The following ZNF782 variants were observed in gnomAD, a reference collection of about 807,000 sequenced individuals.
The protein encoded by ZNF782 is zinc finger protein 782.
ZNF782 carries 12 observed loss-of-function variants against 13.0 expected under a neutral mutation model. The observed-to-expected ratio is 0.92, with a 90% confidence interval of 0.59 to 1.50. The LOEUF is 1.50. Among genes scored for constraint, ZNF782 ranks in the 40% most tolerant of loss-of-function variants. The pLI, the probability that ZNF782 is intolerant of heterozygous loss-of-function variation, is 0.00. For synonymous variants in ZNF782, 284 were observed against 283.0 expected (o/e 1.00, Z -0.04); for missense variants, 770 against 822.9 (o/e 0.94, Z 0.79).
the ZNF782 span, among the ~76,000 whole-genome samples, chr9:96,933,313 A>G: frequency 6.6e-6 from 1 of 151,482 alleles, no homozygotes; most frequent in Non-Finnish European, 1.5e-5. Context: ...ATGTTTACAG[A>G]AGACCCAGGT....
At chr9:96,927,477 C>T in the ZNF782 span, among the ~76,000 whole-genome samples, 1 of 152,032 alleles carries the variant, frequency 6.6e-6, no homozygotes, top group Non-Finnish European at 1.5e-5. Flanking sequence ...AATCAGCCTG[C>T]TATTGTTTTC....
chr9:96,874,624 A>T (rs1216195958), intron 1 of ZNF782, among the ~76,000 whole-genome samples: 1 of 152,098 alleles, frequency 6.6e-6, no homozygotes, highest in Non-Finnish European at 1.5e-5. Context: ...TGGCGGGTGG[A>T]TCAAGCACTG....
upstream of ZNF782, among the ~76,000 whole-genome samples, chr9:96,878,430 G>C (rs1330707944): frequency 6.6e-6 from 1 of 152,216 alleles, no homozygotes; most frequent in East Asian, 1.9e-4. Context: ...TTATAGCAGT[G>C]CATAAAGCTA....
chr9:96,917,589 G>A, the ZNF782 span, among the ~76,000 whole-genome samples: 352 of 151,418 alleles, frequency 2.3e-3, 5 homozygotes, highest in African/African-American at 8.0e-3. Context: ...CCACCACCAC[G>A]CCCAGCTATT....
At position 96,817,612 on chromosome 9, in the gene ZNF782, G is replaced by A. The variant is rs1237231546; in HGVS notation, c.*311C>T. 2.5e-5 allele frequency: 6 copies of A among 240,856 alleles called. No individual in the cohort carries two copies. The highest frequency in any genetic ancestry group is 4.7e-5 in the Non-Finnish European group (6 of 127,274). The allele number at this position is 240,856 out of a possible 1,614,324, so 14.9% of individuals were successfully genotyped here. On this transcript the variant is annotated 3_prime_UTR_variant, in exon 6 of 6. Transcript: ENST00000481138. ...TTCACATTTTTATTACTTTCTCAGA[G>A]CTTTTCTGCAGCGTGAGTTTTCTGA... is the stretch of plus-strand genomic sequence containing the variant.
At chr9:96,836,654 T>C (rs1343710981) in intron 4 of ZNF782, among the ~76,000 whole-genome samples, 1 of 152,056 alleles carries the variant, frequency 6.6e-6, no homozygotes, top group African/African-American at 2.4e-5. Context: ...GGCAGAATGG[T>C]ATGGTTTGGG....
At chr9:96,842,718 A>G (rs1851225947) in intron 4 of ZNF782, among the ~76,000 whole-genome samples, 1 of 152,100 alleles carries the variant, frequency 6.6e-6, no homozygotes, top group African/African-American at 2.4e-5. Flanking sequence ...ATCAAAATTA[A>G]AAACTTATGC....
At chr9:96,831,763 ACT>A (rs957400580) in intron 4 of ZNF782, among the ~76,000 whole-genome samples, 1 of 151,450 alleles carries the variant, frequency 6.6e-6, no homozygotes, top group African/African-American at 2.4e-5. Context: ...ATGTAACATC[ACT>A]CTGTTACCAA....
intron 4 of ZNF782, 80 bp downstream of exon 4, chr9:96,844,810 A>C (rs1367095413): frequency 6.2e-7 from 1 of 1,601,330 alleles, no homozygotes; most frequent in East Asian, 2.2e-5. Context: ...AGGGAGTCAC[A>C]TGGTACGGTA....
Position 96,816,468 on chromosome 9 carries a change from C to G in ZNF782, c.*1455G>C, listed in dbSNP as rs2118197001. 1 of 152,312 alleles carries G rather than the reference C, an allele frequency of 6.6e-6. No individual in the cohort carries two copies. The highest frequency in any genetic ancestry group is 1.9e-4 in the East Asian group (1 of 5,188). The allele number at this position is 152,312 out of a possible 1,614,324, so 9.4% of individuals were successfully genotyped here. On this transcript the variant is annotated 3_prime_UTR_variant, in exon 6 of 6. Transcript: ENST00000481138. Reference sequence around the variant, plus strand: ...ACAAAACATTCACATATTTGCAACACTGCTTTTCAGTTTATGCAGTTTATT... The same window carrying G: ...ACAAAACATTCACATATTTGCAACAGTGCTTTTCAGTTTATGCAGTTTATT...
At chr9:96,917,931 G>GTGT in the ZNF782 span, among the ~76,000 whole-genome samples, 9 of 115,356 alleles carry the variant, frequency 7.8e-5, no homozygotes, top group African/African-American at 3.9e-4. Context: ...TGTGTGTGTA[G>GTGT]ATGGGGGTCT....
At chr9:96,844,292 A>AC (rs1851276875) in intron 4 of ZNF782, among the ~76,000 whole-genome samples, 1 of 152,228 alleles carries the variant, frequency 6.6e-6, no homozygotes, top group Non-Finnish European at 1.5e-5. Context: ...CTTGTATGTG[A>AC]AAGTTCATAG....
rs529521276 is a variant in ZNF782, at chr9:96,818,339, A to C, written c.1684T>G (p.Tyr562Asp). Residue 562 changes from tyrosine to aspartate, a missense_variant, in exon 6 of 6, where the codon TAT (tyrosine) becomes GAT (aspartate). Tyr to Asp is a radical substitution (Grantham distance 160). Coordinates refer to ENST00000481138, the MANE Select transcript of ZNF782 (RefSeq NM_001001662.3). ...GCTTCCCCACAATGATTACATTTAT[A>C]GGGTTTTTCCCCTGTGTGAATTCTA... The part of the protein sequence containing the change: ...HHRIHTGEKP[Y>D]KCNHCGEAFS... 10 of 1,614,158 alleles carry C rather than the reference A, an allele frequency of 6.2e-6. No homozygotes were observed. In the South Asian group the frequency reaches 1.1e-4, roughly 18 times the overall value.
intron 1 of ZNF782, among the ~76,000 whole-genome samples, chr9:96,872,287 C>T (rs1248253965): frequency 6.6e-6 from 1 of 152,120 alleles, no homozygotes; most frequent in Non-Finnish European, 1.5e-5. Flanking sequence ...AATCCTAGCA[C>T]TTTGGGAGGC....
chr9:96,882,197 A>C, the ZNF782 span, among the ~76,000 whole-genome samples: 1 of 152,096 alleles, frequency 6.6e-6, no homozygotes, highest in African/African-American at 2.4e-5. Flanking sequence ...TCTGTGAAAA[A>C]GGGATGTTAA....
At chr9:96,860,887 A>T (rs532440770) in intron 2 of ZNF782, among the ~76,000 whole-genome samples, 1 of 152,380 alleles carries the variant, frequency 6.6e-6, no homozygotes, top group South Asian at 2.1e-4. Context: ...GGATATCCAT[A>T]TGCAGAAGAA....
upstream of ZNF782, among the ~76,000 whole-genome samples, chr9:96,879,836 T>C (rs1851940961): frequency 6.6e-6 from 1 of 152,196 alleles, no homozygotes; most frequent in African/African-American, 2.4e-5. Flanking sequence ...TTGCATTCTG[T>C]GATCTTGCTT....
chr9:96,846,061 C>T (rs942342321), intron 3 of ZNF782, among the ~76,000 whole-genome samples: 12 of 152,194 alleles, frequency 7.9e-5, no homozygotes, highest in Non-Finnish European at 1.3e-4. Context: ...CCTCTTTAAA[C>T]AGAGTACCTG....
At chr9:96,824,764 G>A (rs1850556275) in intron 5 of ZNF782, among the ~76,000 whole-genome samples, 1 of 148,406 alleles carries the variant, frequency 6.7e-6, no homozygotes, top group Non-Finnish European at 1.5e-5. Flanking sequence ...ACCAATAACA[G>A]ACAAACAGAG....
Sources: allele counts gnomAD v4.1 joint callset (sites outside exome capture counted in the v4.1 genomes callset), GRCh38; gene constraint gnomAD v4.1.1; transcripts MANE v1.5; gene names NCBI Gene and HGNC (gene_info 2026-07-23, HGNC 2026-07-21).